Variants in SNX9 observed in about 807,000 individuals in gnomAD.
SNX9 encodes sorting nexin-9.
A neutral mutation model predicts 89.4 loss-of-function variants in SNX9; 44 were observed. The observed-to-expected ratio is 0.49, with a 90% CI of 0.39 to 0.63. The LOEUF (loss-of-function observed/expected upper bound fraction) is 0.63, where lower values mean the gene tolerates loss of function less well. SNX9 is among the 30% of genes least tolerant of loss of function. SNX9 has a pLI of 0.00. For missense variants in SNX9, 578 were observed against 736.1 expected (o/e 0.79, Z 2.49); for synonymous variants, 236 against 247.8 (o/e 0.95, Z 0.45).
chr6:157,909,569 T>A (rs1448789780), intron 7 of SNX9, 96 bp from the exon 8 acceptor site: 1 of 1,438,668 alleles, frequency 7.0e-7, no homozygotes, highest in Non-Finnish European at 9.6e-7. Flanking sequence ...TCCAAAGGAC[T>A]TCTCATTCTG....
chr6:157,932,564 C>T (rs1372866140), intron 13 of SNX9, among the ~76,000 whole-genome samples: 2 of 152,066 alleles, frequency 1.3e-5, no homozygotes, highest in Non-Finnish European at 2.9e-5. Flanking sequence ...CCAAGTCTTC[C>T]TGTGACAGAG....
intron 10 of SNX9, among the ~76,000 whole-genome samples, chr6:157,923,884 C>T (rs917963875): frequency 1.6e-4 from 24 of 152,250 alleles, no homozygotes; most frequent in East Asian, 1.9e-4. Flanking sequence ...GAAATGTGCT[C>T]GCTACCTCAC....
chr6:157,824,502 T>C (rs546011780), intron 1 of SNX9, among the ~76,000 whole-genome samples: 1 of 152,374 alleles, frequency 6.6e-6, no homozygotes, highest in South Asian at 2.1e-4. Context: ...TTTGGGTTGC[T>C]AGAAACGTTA....
In SNX9 at chr6:157,943,041, T is replaced by A. The variant is rs544623144; in HGVS notation, c.*203T>A. On this transcript the variant is annotated 3_prime_UTR_variant, in exon 18 of 18. Coordinates refer to ENST00000392185, the MANE Select transcript of SNX9 (RefSeq NM_016224.5). The stretch of plus-strand genomic sequence containing the variant: ...GGTCTTTTGTTCATTTCCGCATCCA[T>A]TATTTAAACCAGTGGAAATTGTCTC... 4 of 486,030 alleles carry A rather than the reference T, an allele frequency of 8.2e-6. No individual in the cohort carries two copies. The East Asian group carries it at 1.4e-4, about 17-fold the overall frequency. 30.1% of individuals were successfully genotyped at this position (486,030 alleles called of 1,614,324 possible).
chr6:157,837,341 G>A (rs778053410), intron 1 of SNX9, among the ~76,000 whole-genome samples: 14 of 152,170 alleles, frequency 9.2e-5, no homozygotes, highest in Non-Finnish European at 1.8e-4. Context: ...ATACAGTTTT[G>A]TGTGTTATTA....
chr6:157,919,052 C>T (rs1264802443), intron 9 of SNX9, among the ~76,000 whole-genome samples: 1 of 152,076 alleles, frequency 6.6e-6, no homozygotes, highest in Non-Finnish European at 1.5e-5. Flanking sequence ...ATTTCCGGTG[C>T]TGCTTATTTG....
chr6:157,880,222 A>G (rs1782597200), intron 4 of SNX9, among the ~76,000 whole-genome samples: 1 of 152,116 alleles, frequency 6.6e-6, no homozygotes, highest in Non-Finnish European at 1.5e-5. Context: ...TGCCTCCTGA[A>G]CCTCCTGAAT....
intron 14 of SNX9, among the ~76,000 whole-genome samples, chr6:157,936,698 C>T (rs1241974705): frequency 6.6e-6 from 1 of 152,128 alleles, no homozygotes; most frequent in Non-Finnish European, 1.5e-5. Context: ...CTGTATGATT[C>T]TTAAGATTTA....
Position 157,937,450 on chromosome 6 carries a change from A to G in SNX9, c.1460A>G (p.His487Arg). 1.9e-6 allele frequency: 3 copies of G among 1,613,414 alleles called. No homozygotes were observed. The highest frequency in any genetic ancestry group is 1.7e-4 in the Middle Eastern group (1 of 6,060). Residue 487 changes from histidine to arginine, a missense_variant, in exon 15 of 18, where the codon CAT becomes CGT. Physicochemically the swap from His to Arg is conservative, Grantham distance 29 (BLOSUM62 0). Transcript: ENST00000392185. ...LVAEQPKKDLHFLMECNHEYK... is the reference protein window; with the variant it reads ...LVAEQPKKDLRFLMECNHEYK... ...TTGTTATAGCCAAAGAAAGATCTCC[A>G]TTTCCTGATGGAATGTAATCACGAG...
chr6:157,913,269 G>T (rs896282247), intron 9 of SNX9, among the ~76,000 whole-genome samples: 2 of 151,898 alleles, frequency 1.3e-5, no homozygotes, highest in African/African-American at 4.8e-5. Context: ...AAAGTTTTTT[G>T]ATATGTAGGT....
At chr6:157,875,299 G>C (rs1583212012) in intron 4 of SNX9, 123 bp downstream of exon 4, 1 of 1,335,162 alleles carries the variant, frequency 7.5e-7, no homozygotes, top group East Asian at 2.6e-5. Flanking sequence ...GTCGCTTTTA[G>C]GTTGTTCTGT....
chr6:157,842,457 CAG>C (rs897180949), intron 1 of SNX9, among the ~76,000 whole-genome samples: 7 of 152,164 alleles, frequency 4.6e-5, no homozygotes, highest in Non-Finnish European at 8.8e-5. Flanking sequence ...TTTATCAAGA[CAG>C]GGGGATTGCA....
At chr6:157,909,344 C>T (rs191647700) in intron 7 of SNX9, among the ~76,000 whole-genome samples, 65 of 152,306 alleles carry the variant, frequency 4.3e-4, no homozygotes, top group Non-Finnish European at 7.3e-5. Context: ...TCCTTCATCA[C>T]GTGTAGCTTG....
intron 1 of SNX9, among the ~76,000 whole-genome samples, chr6:157,843,271 C>T (rs1200336099): frequency 6.6e-6 from 1 of 152,074 alleles, no homozygotes; most frequent in Middle Eastern, 3.2e-3. Flanking sequence ...TTAGGAGCAC[C>T]GACCGCCTGC....
At chr6:157,829,660 G>A (rs1781445566) in intron 1 of SNX9, among the ~76,000 whole-genome samples, 1 of 152,050 alleles carries the variant, frequency 6.6e-6, no homozygotes, top group Non-Finnish European at 1.5e-5. Flanking sequence ...TTATTTTCTA[G>A]GTGAATTGAA....
chr6:157,940,124 C>T (rs182949847), intron 16 of SNX9, among the ~76,000 whole-genome samples: 152 of 152,306 alleles, frequency 1.0e-3, no homozygotes, highest in African/African-American at 3.5e-3. Context: ...AAGGGTCTCC[C>T]GCTGTCCCAC....
chr6:157,878,637 TG>T (rs1782564069), intron 4 of SNX9, among the ~76,000 whole-genome samples: 1 of 152,184 alleles, frequency 6.6e-6, no homozygotes. Context: ...TTCACCATAT[TG>T]GCCAGGCTGG....
intron 4 of SNX9, among the ~76,000 whole-genome samples, chr6:157,894,079 A>G (rs1308284659): frequency 8.0e-6 from 1 of 125,490 alleles, no homozygotes; most frequent in East Asian, 2.1e-4. Context: ...TCCCTGTATC[A>G]TTTCTTTTTC....
Position 157,937,414 on chromosome 6 carries a change from C to T in SNX9, c.1444-20C>T. 6.5e-7 allele frequency: 1 copy of T among 1,549,014 alleles called. No homozygotes were observed. Among genetic ancestry groups the T allele is most frequent in the Admixed American group, 1.7e-5 (1 of 59,158 alleles). ...TCTGAATTTCTCTGCCAGTAACAATCAGCTTGTATCTTGTTATAGCCAAAG... is the reference window on the plus strand; with the variant it reads ...TCTGAATTTCTCTGCCAGTAACAATTAGCTTGTATCTTGTTATAGCCAAAG... On this transcript the variant is annotated intron_variant, in intron 14 of 17. Transcript: ENST00000392185.
Sources: allele counts gnomAD v4.1 joint callset (sites outside exome capture counted in the v4.1 genomes callset), GRCh38; gene constraint gnomAD v4.1.1; transcripts MANE v1.5; gene names NCBI Gene and HGNC (gene_info 2026-07-23, HGNC 2026-07-21).